SSUH2: variants seen among roughly 807,000 people sequenced by gnomAD.
SSUH2 encodes the protein ssu-2 homolog, also known as protein SSUH2 homolog.
SSUH2 carries 47 observed loss-of-function variants against 55.3 expected under a neutral mutation model. That is an observed-to-expected ratio of 0.85 (90% CI 0.67 to 1.08). The LOEUF is 1.08. SSUH2 is among the 50% of genes least tolerant of loss of function. The probability of loss-of-function intolerance (pLI) is 0.00; values close to 1 mark genes in which losing one functional copy is unlikely to be tolerated. For synonymous variants in SSUH2, 212 were observed against 191.5 expected, an observed-to-expected ratio of 1.11 and a Z score of -0.89; for missense variants, 535 against 490.7, an observed-to-expected ratio of 1.09 and a Z score of -0.85.
In SSUH2 at chr3:8,678,893, G is replaced by A. The variant is rs559787698; in HGVS notation, c.-901+812C>T. On this transcript the variant is annotated intron_variant, in intron 2 of 18. Transcript: ENST00000317371. ...GGCTCTTAGGATCCCCATTGCAAGG[G>A]AGGGAGGCACCCCCCGCCAGGCGGG... 2.6e-5 allele frequency among the ~76,000 whole-genome samples: 3 copies of A among 116,518 alleles called. 1 individual carries two copies. Among genetic ancestry groups the A allele is most frequent in the African/African-American group, 8.8e-5 (3 of 34,234 alleles). 76.4% of individuals were successfully genotyped at this position (116,518 alleles called of 152,430 possible).
chr3:8,651,101 A>T (rs966144040), intron 7 of SSUH2, among the ~76,000 whole-genome samples: 5 of 152,196 alleles, frequency 3.3e-5, no homozygotes, highest in African/African-American at 1.2e-4. Context: ...TTTATCTACA[A>T]AGCCAATTTG....
In SSUH2 at chr3:8,625,401, T is replaced by TGG. The variant is rs1406015585; in HGVS notation, c.873+140_873+141insCC. 5.1e-6 allele frequency: 3 copies of TGG among 592,038 alleles called. No individual in the cohort carries two copies. In the East Asian group the frequency reaches 8.8e-5, roughly 17 times the overall value. 36.7% of individuals were successfully genotyped at this position (592,038 alleles called of 1,614,324 possible). ...ACAGCCCCCAGGCTCCCCACAGCCT[T>TGG]ATCCATGTCTGGGGAGCTCTGCTCC... On this transcript the variant is annotated intron_variant, in intron 10 of 11. Transcript: ENST00000544814.
intron 9 of SSUH2, 29 bp from the exon 10 acceptor site, chr3:8,625,676 G>A (rs1237776174): frequency 6.7e-7 from 1 of 1,500,050 alleles, no homozygotes; most frequent in African/African-American, 1.4e-5. Context: ...AGGGATGAAA[G>A]CACACAGTGT....
At chr3:8,630,723 TG>T in intron 6 of SSUH2, 81 bp downstream of exon 6, 1 of 1,281,980 alleles carries the variant, frequency 7.8e-7, no homozygotes, top group Non-Finnish European at 1.0e-6. Context: ...CTTCAAAGGA[TG>T]AGTTTGAGGA....
intron 7 of SSUH2, among the ~76,000 whole-genome samples, chr3:8,628,574 A>T (rs1698080296): frequency 6.6e-6 from 1 of 152,216 alleles, no homozygotes; most frequent in South Asian, 2.1e-4. Flanking sequence ...TCATATGACA[A>T]GGTAGGGCCT....
chr3:8,636,219 C>A (rs1310051903), intron 1 of SSUH2, among the ~76,000 whole-genome samples: 2 of 152,192 alleles, frequency 1.3e-5, no homozygotes, highest in East Asian at 3.9e-4. Context: ...ACCAAGAGAA[C>A]ACAGTGGAAG....
chr3:8,634,972 A>G (rs1699667894), intron 3 of SSUH2, among the ~76,000 whole-genome samples: 1 of 152,258 alleles, frequency 6.6e-6, no homozygotes, highest in Admixed American at 6.5e-5. Flanking sequence ...AAAAGCTGCC[A>G]GAGACAATAC....
At chr3:8,678,983 CCCCCCGCGAGGTGGGGACTGAG>C (rs1705703073) in intron 2 of SSUH2, among the ~76,000 whole-genome samples, 1 of 110,308 alleles carries the variant, frequency 9.1e-6, no homozygotes, top group Admixed American at 8.8e-5. Flanking sequence ...CGGAGAGTCA[CCCCCCGCGAGGTGGGGACTGAG>C]AGCCAGCCCC....
upstream of SSUH2, among the ~76,000 whole-genome samples, chr3:8,646,090 G>C (rs1701645945): frequency 6.6e-6 from 1 of 152,168 alleles, no homozygotes; most frequent in Non-Finnish European, 1.5e-5. Context: ...ATGAAGCAAT[G>C]ATTTTAAGCC....
At chr3:8,626,127 T>C in intron 9 of SSUH2, 102 bp downstream of exon 9, 1 of 908,846 alleles carries the variant, frequency 1.1e-6, no homozygotes, top group Non-Finnish European at 1.8e-6. Flanking sequence ...GTTCTTGCAC[T>C]GTGAAAGCCC....
At chr3:8,647,586 CT>C (rs1701864407), upstream of SSUH2, among the ~76,000 whole-genome samples, 1 of 152,170 alleles carries the variant, frequency 6.6e-6, no homozygotes, top group Admixed American at 6.5e-5. Context: ...AGTGCCTGGT[CT>C]GGTTATTTCT....
chr3:8,650,187 C>T lies in SSUH2; in HGVS notation c.-307+8738G>A, dbSNP rs192343363. Among the ~76,000 whole-genome samples the T allele has an allele frequency of 3.0e-4, 45 of 152,246 alleles. No homozygotes were observed. In the East Asian group the frequency reaches 5.6e-3, roughly 19 times the overall value. On this transcript the variant is annotated intron_variant, in intron 7 of 18. Transcript: ENST00000317371. The stretch of plus-strand genomic sequence containing the variant: ...CCCTATTTAAAATTGAACACCCTGC[C>T]GCCACCACCAAATCTCCAGTCTCAG...
chr3:8,663,615 C>G (rs113757551), intron 6 of SSUH2: 4 of 307,304 alleles, frequency 1.3e-5, no homozygotes, highest in African/African-American at 6.7e-5. Context: ...CCAGGCAAGT[C>G]CAGGAATTCC....
chr3:8,646,404 T>C (rs2125292441), upstream of SSUH2, among the ~76,000 whole-genome samples: 1 of 152,258 alleles, frequency 6.6e-6, no homozygotes, highest in African/African-American at 2.4e-5. Context: ...TCTTTAAATG[T>C]CAAATTGAAC....
intron 7 of SSUH2, among the ~76,000 whole-genome samples, chr3:8,658,129 A>G (rs1703115689): frequency 6.6e-6 from 1 of 152,232 alleles, no homozygotes. Context: ...CTCAGCTTCT[A>G]CATCAGAAAA....
At chr3:8,638,697 C>T (rs569728384) in intron 1 of SSUH2, among the ~76,000 whole-genome samples, 69 of 152,334 alleles carry the variant, frequency 4.5e-4, no homozygotes, top group Non-Finnish European at 6.6e-4. Flanking sequence ...CTGTGCCTGG[C>T]CTTTAACAAA....
chr3:8,631,584 G>A (rs544830060), intron 5 of SSUH2, among the ~76,000 whole-genome samples: 10 of 152,222 alleles, frequency 6.6e-5, no homozygotes, highest in East Asian at 3.9e-4. Flanking sequence ...GGACCTGAGC[G>A]GTCTGTTAGG....
intron 3 of SSUH2, among the ~76,000 whole-genome samples, chr3:8,673,115 A>G (rs1459366077): frequency 6.6e-6 from 1 of 152,018 alleles, no homozygotes; most frequent in Non-Finnish European, 1.5e-5. Flanking sequence ...TAATATTAAT[A>G]TTAATTATTA....
intron 2 of SSUH2, among the ~76,000 whole-genome samples, chr3:8,678,921 C>G (rs1298518595): frequency 9.2e-6 from 1 of 108,584 alleles, no homozygotes; most frequent in Non-Finnish European, 2.1e-5. Flanking sequence ...CAGGCGGGGA[C>G]TGAGAGCCAG....
Sources: gnomAD v4.1 joint callset for allele counts (sites outside exome capture counted in the v4.1 genomes callset) on GRCh38, gnomAD v4.1.1 for gene constraint, MANE v1.5 for transcripts, NCBI Gene and HGNC (gene_info 2026-07-23, HGNC 2026-07-21) for gene names.